SLC9A9: variants seen among roughly 807,000 people sequenced by gnomAD.
SLC9A9 encodes the protein solute carrier family 9 member A9, also known as sodium/hydrogen exchanger 9.
SLC9A9 carries 62 observed loss-of-function variants against 77.8 expected under a neutral mutation model. The ratio of observed to expected loss-of-function variants is 0.80; its 90% CI spans 0.65 to 0.98. The LOEUF is 0.98. Ranked by LOEUF, SLC9A9 falls within the 50% of genes least tolerant of loss-of-function variation. The pLI, the probability that SLC9A9 is intolerant of heterozygous loss-of-function variation, is 0.00. For synonymous variants in SLC9A9, 320 were observed against 283.5 expected (o/e 1.13, Z -1.29); for missense variants, 775 against 774.9 (o/e 1.00, Z 0.00).
rs1260820164 is a variant in SLC9A9 at position 143,401,326 on chromosome 3, G to A, written c.1470-19212C>T. Among the ~76,000 whole-genome samples the A allele has an allele frequency of 2.0e-5, 3 of 152,114 alleles. No individual in the cohort carries two copies. The East Asian group carries it at 5.8e-4, about 29-fold the overall frequency. The stretch of plus-strand genomic sequence containing the variant: ...TAATATTCCCATTTGGGTATAGGGT[G>A]GTAACTGCTCTCCATTGATTCCAGT... On this transcript the variant is annotated intron_variant, in intron 12 of 15. Transcript: ENST00000316549.
intron 2 of SLC9A9, among the ~76,000 whole-genome samples, chr3:143,806,345 C>G (rs1196982066): frequency 2.0e-5 from 3 of 152,126 alleles, no homozygotes; most frequent in Non-Finnish European, 2.9e-5. Context: ...TTTGGCCCCT[C>G]TTTTGTGGCA....
At chr3:143,295,593 C>G (rs2030228352) in intron 14 of SLC9A9, among the ~76,000 whole-genome samples, 1 of 152,142 alleles carries the variant, frequency 6.6e-6, no homozygotes, top group Non-Finnish European at 1.5e-5. Flanking sequence ...AAAAACATTT[C>G]TTAAAGAAAG....
intron 12 of SLC9A9, among the ~76,000 whole-genome samples, chr3:143,453,425 A>G (rs1242500551): frequency 6.6e-6 from 1 of 152,164 alleles, no homozygotes; most frequent in Non-Finnish European, 1.5e-5. Flanking sequence ...AAAGAAAACT[A>G]TAAGACTAAT....
intron 2 of SLC9A9, among the ~76,000 whole-genome samples, chr3:143,818,030 C>T (rs1423756287): frequency 6.6e-6 from 1 of 151,440 alleles, no homozygotes; most frequent in East Asian, 1.9e-4. Flanking sequence ...TTAAGCTACA[C>T]AGAAAAAAAA....
chr3:143,718,201 A>G (rs1934403785), intron 4 of SLC9A9, among the ~76,000 whole-genome samples: 1 of 152,212 alleles, frequency 6.6e-6, no homozygotes, highest in Admixed American at 6.5e-5. Context: ...TTCAGAGAGA[A>G]CAACATAAAG....
At chr3:143,474,601 G>GT (rs888419705) in intron 11 of SLC9A9, among the ~76,000 whole-genome samples, 2 of 151,940 alleles carry the variant, frequency 1.3e-5, no homozygotes, top group Non-Finnish European at 2.9e-5. Flanking sequence ...GGAAGAGCAT[G>GT]TCTGGGTGTA....
At chr3:143,590,068 AAT>A (rs1168643196) in intron 6 of SLC9A9, among the ~76,000 whole-genome samples, 1 of 152,226 alleles carries the variant, frequency 6.6e-6, no homozygotes, top group African/African-American at 2.4e-5. Context: ...CTCTATATTG[AAT>A]GGGTTTTAAT....
intron 6 of SLC9A9, among the ~76,000 whole-genome samples, chr3:143,643,316 T>C (rs1327086284): frequency 6.6e-6 from 1 of 152,248 alleles, no homozygotes; most frequent in Non-Finnish European, 1.5e-5. Context: ...GGGATTTTGA[T>C]TTCTCAAATT....
At chr3:143,570,518 T>G (rs2037239899) in intron 8 of SLC9A9, among the ~76,000 whole-genome samples, 1 of 152,174 alleles carries the variant, frequency 6.6e-6, no homozygotes, top group South Asian at 2.1e-4. Context: ...AATAAAAATT[T>G]ATATCTCTAG....
intron 2 of SLC9A9, among the ~76,000 whole-genome samples, chr3:143,820,437 ACTTTT>A (rs1304965540): frequency 1.3e-5 from 2 of 152,156 alleles, no homozygotes; most frequent in African/African-American, 4.8e-5. Flanking sequence ...TATCTTTGTG[ACTTTT>A]TGCTAAGGTC....
At chr3:143,507,487 G>A (rs1230545574) in intron 9 of SLC9A9, among the ~76,000 whole-genome samples, 4 of 152,056 alleles carry the variant, frequency 2.6e-5, no homozygotes, top group Non-Finnish European at 5.9e-5. Context: ...GATTACAGGC[G>A]TGAGCCACTG....
intron 4 of SLC9A9, among the ~76,000 whole-genome samples, chr3:143,708,583 C>T (rs1301667810): frequency 1.3e-5 from 2 of 152,194 alleles, no homozygotes; most frequent in Admixed American, 1.3e-4. Context: ...CCTGTATCCC[C>T]AGTCTCTATT....
intron 9 of SLC9A9, among the ~76,000 whole-genome samples, chr3:143,513,994 C>T (rs113481367): frequency 5.3e-5 from 8 of 152,046 alleles, no homozygotes; most frequent in South Asian, 2.1e-4. Context: ...ATCCCTCCCC[C>T]GTCCCCCTAC....
chr3:143,697,187 A>G (rs1933666242), intron 4 of SLC9A9, among the ~76,000 whole-genome samples: 1 of 151,824 alleles, frequency 6.6e-6, no homozygotes, highest in African/African-American at 2.4e-5. Flanking sequence ...GTGATATATA[A>G]AATAAAGTAT....
chr3:143,743,967 A>G (rs1348314253), intron 4 of SLC9A9, among the ~76,000 whole-genome samples: 3 of 152,216 alleles, frequency 2.0e-5, no homozygotes, highest in Non-Finnish European at 2.9e-5. Flanking sequence ...TTAAGCCCCT[A>G]GAGGCAGAAA....
At chr3:143,359,827 T>C (rs950898778) in intron 14 of SLC9A9, among the ~76,000 whole-genome samples, 3 of 152,216 alleles carry the variant, frequency 2.0e-5, no homozygotes, top group Non-Finnish European at 4.4e-5. Flanking sequence ...TTTAACTTTC[T>C]GCCCCTAAAG....
chr3:143,326,044 T>A (rs2031593061), intron 14 of SLC9A9, among the ~76,000 whole-genome samples: 1 of 152,262 alleles, frequency 6.6e-6, no homozygotes, highest in Non-Finnish European at 1.5e-5. Context: ...TGTATTCATT[T>A]GTATGTGAGT....
At chr3:143,823,759 C>T (rs970696952) in intron 2 of SLC9A9, among the ~76,000 whole-genome samples, 1 of 151,240 alleles carries the variant, frequency 6.6e-6, no homozygotes, top group Admixed American at 6.6e-5. Context: ...TTAATAGTTA[C>T]AATAAAAATA....
chr3:143,370,592 CA>C (rs1364232501), intron 13 of SLC9A9, among the ~76,000 whole-genome samples: 3 of 151,884 alleles, frequency 2.0e-5, no homozygotes, highest in African/African-American at 7.3e-5. Context: ...CACACACACA[CA>C]CACACACACC....
Sources: allele counts gnomAD v4.1 joint callset (sites outside exome capture counted in the v4.1 genomes callset), GRCh38; gene constraint gnomAD v4.1.1; transcripts MANE v1.5; gene names NCBI Gene and HGNC (gene_info 2026-07-23, HGNC 2026-07-21).